Variants in GMDS observed in about 807,000 individuals in gnomAD.
GMDS encodes the protein GDP-mannose 4,6-dehydratase, also known as GDP-mannose 4,6 dehydratase.
In GMDS, 20 loss-of-function variants were observed where a neutral mutation model predicts 49.9. The observed-to-expected ratio is 0.40, with a 90% CI of 0.28 to 0.58. The LOEUF (loss-of-function observed/expected upper bound fraction) is 0.58. Ranked by LOEUF, GMDS falls within the 20% of genes least tolerant of loss-of-function variation. GMDS has a pLI of 0.42. For missense variants in GMDS, 362 were observed against 481.4 expected (o/e 0.75, Z 2.32); for synonymous variants, 177 against 178.6 (o/e 0.99, Z 0.07).
intron 4 of GMDS, among the ~76,000 whole-genome samples, chr6:1,991,913 G>A (rs1027537775): frequency 6.6e-6 from 1 of 152,218 alleles, no homozygotes; most frequent in Admixed American, 6.5e-5. Context: ...GAGATGTCGT[G>A]TGATGATGAG....
chr6:2,133,468 C>T (rs974524393), intron 1 of GMDS, among the ~76,000 whole-genome samples: 1 of 152,170 alleles, frequency 6.6e-6, no homozygotes, highest in Non-Finnish European at 1.5e-5. Context: ...TGGTTAAGCA[C>T]AGAGTTAACT....
chr6:2,107,231 G>A (rs1774293817), intron 4 of GMDS, among the ~76,000 whole-genome samples: 1 of 152,140 alleles, frequency 6.6e-6, no homozygotes, highest in Non-Finnish European at 1.5e-5. Context: ...ACAGGGAGAG[G>A]AGAACTTTCA....
chr6:1,679,745 T>G (rs1764731453), intron 9 of GMDS: 1 of 152,228 alleles, frequency 6.6e-6, no homozygotes, highest in Non-Finnish European at 1.5e-5. Context: ...AGTCAAATAA[T>G]ATCTTGAGCT....
At chr6:1,629,509 C>T (rs978646184) in intron 9 of GMDS, among the ~76,000 whole-genome samples, 3 of 152,072 alleles carry the variant, frequency 2.0e-5, no homozygotes, top group South Asian at 2.1e-4. Context: ...AGCACTGGCC[C>T]GAGGAGGGTG....
chr6:1,637,449 C>T (rs1461068641), intron 9 of GMDS, among the ~76,000 whole-genome samples: 1 of 152,270 alleles, frequency 6.6e-6, no homozygotes, highest in Non-Finnish European at 1.5e-5. Context: ...GAAGGCACGG[C>T]TGGACTTCCG....
chr6:2,200,011 G>A (rs1779437451), intron 1 of GMDS, among the ~76,000 whole-genome samples: 1 of 152,166 alleles, frequency 6.6e-6, no homozygotes, highest in Admixed American at 6.5e-5. Context: ...TTATACATAT[G>A]AACACTGTGA....
intron 4 of GMDS, among the ~76,000 whole-genome samples, chr6:2,056,264 T>C (rs1030945519): frequency 1.3e-4 from 20 of 152,176 alleles, no homozygotes; most frequent in African/African-American, 3.9e-4. Flanking sequence ...AGTGAAGAAA[T>C]TGAGGTCCAC....
intron 1 of GMDS, among the ~76,000 whole-genome samples, chr6:2,194,067 T>C (rs916885180): frequency 1.9e-4 from 29 of 152,112 alleles, no homozygotes; most frequent in Admixed American, 3.3e-4. Context: ...ATAAATATGA[T>C]GTGTCTTTCT....
intron 1 of GMDS, among the ~76,000 whole-genome samples, chr6:2,147,098 A>AC (rs1439138063): frequency 5.9e-5 from 9 of 152,216 alleles, no homozygotes; most frequent in Admixed American, 5.9e-4. Flanking sequence ...ACTTATACTT[A>AC]CCCAGTTGAT....
intron 9 of GMDS, among the ~76,000 whole-genome samples, chr6:1,636,494 C>G (rs895926866): frequency 1.3e-5 from 2 of 152,218 alleles, no homozygotes; most frequent in Non-Finnish European, 1.5e-5. Context: ...TACAAGGAAG[C>G]GTGCAGCATG....
At chr6:2,145,627 A>G (rs951539552) in intron 1 of GMDS, among the ~76,000 whole-genome samples, 4 of 152,166 alleles carry the variant, frequency 2.6e-5, no homozygotes, top group Non-Finnish European at 5.9e-5. Context: ...GATTAAACCA[A>G]CGTCAGATGG....
At chr6:2,174,779 G>T (rs959889608) in intron 1 of GMDS, among the ~76,000 whole-genome samples, 1 of 152,042 alleles carries the variant, frequency 6.6e-6, no homozygotes, top group Admixed American at 6.5e-5. Context: ...ATGTTGGCCA[G>T]GCTGATCTCG....
chr6:1,932,165 G>A (rs1240661407), intron 6 of GMDS, among the ~76,000 whole-genome samples: 2 of 152,184 alleles, frequency 1.3e-5, no homozygotes, highest in African/African-American at 4.8e-5. Context: ...CAGGCAGGAG[G>A]AACGGCACTT....
chr6:1,817,393 G>A (rs547254997), intron 7 of GMDS, among the ~76,000 whole-genome samples: 1 of 152,244 alleles, frequency 6.6e-6, no homozygotes, highest in Admixed American at 6.5e-5. Context: ...ATGTAAGAAA[G>A]CCTATACATA....
At chr6:1,658,346 G>A (rs112991388) in intron 9 of GMDS, among the ~76,000 whole-genome samples, 3,528 of 152,308 alleles carry the variant, frequency 0.023, 113 homozygotes, top group African/African-American at 0.08. Context: ...GCATTTTCCC[G>A]AAGGCTTTCC....
At chr6:2,129,945 T>G (rs766170294) in intron 1 of GMDS, among the ~76,000 whole-genome samples, 8 of 152,194 alleles carry the variant, frequency 5.3e-5, no homozygotes, top group Admixed American at 4.6e-4. Flanking sequence ...AACCCTCTCA[T>G]TTTACAGATC....
Position 2,013,925 on chromosome 6 carries a change from C to CATATATATATATATAT in GMDS, c.346-52975_346-52960dup, listed in dbSNP as rs10523956. ...AGAGAACACCAGAGAGGATAAAAAC[C>CATATATATATATATAT]ATATATATATATATATATATATATA... On this transcript the variant is annotated intron_variant, in intron 4 of 10. Coordinates refer to ENST00000380815, the MANE Select transcript of GMDS (RefSeq NM_001500.4). 1.7e-3 allele frequency among the ~76,000 whole-genome samples: 217 copies of CATATATATATATATAT among 124,878 alleles called. 4 individuals are homozygous for CATATATATATATATAT. Among genetic ancestry groups the CATATATATATATATAT allele is most frequent in the African/African-American group, 2.8e-3 (80 of 28,318 alleles). The allele number at this position is 124,878 out of a possible 152,430, so 81.9% of individuals were successfully genotyped here.
chr6:2,004,257 G>A (rs1430130935), intron 4 of GMDS, among the ~76,000 whole-genome samples: 1 of 152,186 alleles, frequency 6.6e-6, no homozygotes, highest in South Asian at 2.1e-4. Flanking sequence ...GAGTGATACA[G>A]ATTTAAAGCA....
At chr6:1,923,563 G>C (rs554332020) in intron 7 of GMDS, among the ~76,000 whole-genome samples, 1 of 152,136 alleles carries the variant, frequency 6.6e-6, no homozygotes, top group African/African-American at 2.4e-5. Flanking sequence ...GGGGTTGAGC[G>C]CAGCAGGCTG....
Sources: gnomAD v4.1 joint callset for allele counts (sites outside exome capture counted in the v4.1 genomes callset) on GRCh38, gnomAD v4.1.1 for gene constraint, MANE v1.5 for transcripts, NCBI Gene and HGNC (gene_info 2026-07-23, HGNC 2026-07-21) for gene names.